RALGPS1: variants seen among roughly 807,000 people sequenced by gnomAD.
RALGPS1 encodes the protein ras-specific guanine nucleotide-releasing factor RalGPS1.
In RALGPS1, 19 loss-of-function variants were observed where a neutral mutation model predicts 78.8. The ratio of observed to expected loss-of-function variants is 0.24; its 90% CI spans 0.17 to 0.35. The LOEUF is 0.35. RALGPS1 is among the 10% of genes least tolerant of loss of function. The pLI is 1.00. For synonymous variants in RALGPS1, 228 were observed against 256.3 expected, an observed-to-expected ratio of 0.89 and a Z score of 1.06; for missense variants, 454 against 688.3, an observed-to-expected ratio of 0.66 and a Z score of 3.81.
rs574471191 is a variant in RALGPS1 at position 126,985,038 on chromosome 9, A to G, written c.216+7293A>G. 3.9e-5 allele frequency among the ~76,000 whole-genome samples: 6 copies of G among 152,306 alleles called. No homozygotes were observed. The South Asian group carries it at 1.0e-3, about 26-fold the overall frequency. ...CTTCCTTCTCAACTTACTCCTTGTC[A>G]TACCTTCACTGTGGGTGGTGTATAT... On this transcript the variant is annotated intron_variant, in intron 4 of 18. Transcript: ENST00000259351.
intron 8 of RALGPS1, among the ~76,000 whole-genome samples, chr9:127,164,534 CTTTTTTTTTT>C (rs1160251459): frequency 1.6e-5 from 1 of 62,766 alleles, no homozygotes; most frequent in African/African-American, 7.0e-5. Context: ...CATGCCTGGC[CTTTTTTTTTT>C]TTTTTTTTTT....
intron 8 of RALGPS1, among the ~76,000 whole-genome samples, chr9:127,095,458 T>A (rs1429842955): frequency 1.3e-5 from 2 of 152,252 alleles, no homozygotes; most frequent in Non-Finnish European, 2.9e-5. Flanking sequence ...ACAAAAGTGC[T>A]AAGAAAGTAC....
intron 5 of RALGPS1, among the ~76,000 whole-genome samples, chr9:127,040,473 A>T (rs1392169168): frequency 3.9e-5 from 6 of 152,186 alleles, no homozygotes; most frequent in Admixed American, 3.3e-4. Context: ...GATGCCAAGG[A>T]AAAGGGCTGC....
At chr9:127,184,002 C>T (rs758344268) in intron 11 of RALGPS1, 65 of 1,549,938 alleles carry the variant, frequency 4.2e-5, no homozygotes, top group East Asian at 7.3e-5. Flanking sequence ...TCTGCTGCTC[C>T]GCGCTCCCCG....
chr9:126,948,282 G>A (rs946949154), intron 1 of RALGPS1, among the ~76,000 whole-genome samples: 33 of 152,194 alleles, frequency 2.2e-4, no homozygotes, highest in African/African-American at 7.5e-4. Flanking sequence ...TTGGGAGGCC[G>A]AGGTGGGCAG....
At chr9:127,107,353 A>G (rs891829779) in intron 8 of RALGPS1, among the ~76,000 whole-genome samples, 1 of 152,222 alleles carries the variant, frequency 6.6e-6, no homozygotes, top group Non-Finnish European at 1.5e-5. Context: ...TGAAACGTGT[A>G]TGTAAGAGCA....
At chr9:126,982,555 G>A (rs2132861024) in intron 4 of RALGPS1, among the ~76,000 whole-genome samples, 1 of 152,300 alleles carries the variant, frequency 6.6e-6, no homozygotes, top group East Asian at 1.9e-4. Flanking sequence ...ATTGTGTTGA[G>A]CGGTTAAAGT....
At chr9:127,152,447 G>T (rs2058472999) in intron 8 of RALGPS1, among the ~76,000 whole-genome samples, 1 of 152,162 alleles carries the variant, frequency 6.6e-6, no homozygotes, top group African/African-American at 2.4e-5. Flanking sequence ...AGAAGATGGT[G>T]GGCAAAAGAG....
chr9:127,053,102 C>T (rs1184214834), intron 7 of RALGPS1, among the ~76,000 whole-genome samples, 163 bp downstream of exon 7: 3 of 152,190 alleles, frequency 2.0e-5, no homozygotes, highest in African/African-American at 7.2e-5. Context: ...CCGTCAGTGA[C>T]CCCAGCCCCA....
At chr9:126,931,138 A>G (rs907324668) in intron 1 of RALGPS1, among the ~76,000 whole-genome samples, 2 of 152,198 alleles carry the variant, frequency 1.3e-5, no homozygotes, top group Admixed American at 6.5e-5. Flanking sequence ...TAGCCTTTCC[A>G]TATGCATTCC....
intron 8 of RALGPS1, among the ~76,000 whole-genome samples, chr9:127,107,579 A>G (rs1234907573): frequency 6.6e-6 from 1 of 152,226 alleles, no homozygotes; most frequent in African/African-American, 2.4e-5. Flanking sequence ...CAGGAGAGAC[A>G]TTCTCTTCTA....
intron 4 of RALGPS1, among the ~76,000 whole-genome samples, chr9:127,000,534 C>CTTTTTTTTTTTTTTTTTTT (rs1163116649): frequency 1.5e-4 from 5 of 33,338 alleles, no homozygotes; most frequent in African/African-American, 1.9e-4. Flanking sequence ...CTTGTCTTGT[C>CTTTTTTTTTTTTTTTTTTT]TTTTTTTTTT....
At chr9:127,014,049 G>T (rs1437569118) in intron 4 of RALGPS1, among the ~76,000 whole-genome samples, 2 of 152,224 alleles carry the variant, frequency 1.3e-5, no homozygotes, top group Non-Finnish European at 2.9e-5. Flanking sequence ...ACAGTGCTGG[G>T]CACAGAGGAG....
Position 127,045,136 on chromosome 9 carries a change from TGACACA to T in RALGPS1, c.301-4905_301-4900del, listed in dbSNP as rs527443982. Among the ~76,000 whole-genome samples, 25 of 152,332 alleles carry T rather than the reference TGACACA, an allele frequency of 1.6e-4. No homozygotes were observed. In the South Asian group the frequency reaches 4.8e-3, roughly 29 times the overall value. On this transcript the variant is annotated intron_variant, in intron 5 of 18. Transcript: ENST00000259351. The stretch of plus-strand genomic sequence containing the variant: ...ATATGATATTGTCATGTTGGATACA[TGACACA>T]GTGCATTTGTGAACTTTATAGCACC...
chr9:126,966,423 A>C (rs2039498437), intron 3 of RALGPS1, among the ~76,000 whole-genome samples: 1 of 150,890 alleles, frequency 6.6e-6, no homozygotes, highest in South Asian at 2.1e-4. Flanking sequence ...CTCAGGAGAC[A>C]GGTGAGAGGA....
At chr9:126,945,594 A>G (rs2037184121) in intron 1 of RALGPS1, among the ~76,000 whole-genome samples, 2 of 152,142 alleles carry the variant, frequency 1.3e-5, no homozygotes, top group East Asian at 3.9e-4. Context: ...CCCAGCTTCA[A>G]TCTGCTGCCC....
chr9:127,152,351 G>C (rs1368002391), intron 8 of RALGPS1, among the ~76,000 whole-genome samples: 1 of 152,096 alleles, frequency 6.6e-6, no homozygotes, highest in Non-Finnish European at 1.5e-5. Flanking sequence ...TTCAGCTTTG[G>C]GGTTTATTAA....
intron 1 of RALGPS1, among the ~76,000 whole-genome samples, chr9:126,959,758 A>G (rs2038701396): frequency 6.6e-6 from 1 of 152,134 alleles, no homozygotes; most frequent in Non-Finnish European, 1.5e-5. Flanking sequence ...GACCCATTTT[A>G]ACCTAAGTTT....
intron 4 of RALGPS1, among the ~76,000 whole-genome samples, chr9:127,006,427 A>G (rs148121417): frequency 1.8e-4 from 28 of 152,338 alleles, no homozygotes; most frequent in African/African-American, 5.3e-4. Context: ...GATTTAGTAT[A>G]CCACTGCCTT....
Sources: gnomAD v4.1 joint callset for allele counts (sites outside exome capture counted in the v4.1 genomes callset) on GRCh38, gnomAD v4.1.1 for gene constraint, MANE v1.5 for transcripts, NCBI Gene and HGNC (gene_info 2026-07-23, HGNC 2026-07-21) for gene names.